The following EPHA5 variants were observed in gnomAD, a reference collection of about 807,000 sequenced individuals.
EPHA5 encodes EPH receptor A5, also known as ephrin type-A receptor 5.
EPHA5 carries 60 observed loss-of-function variants against 105.0 expected under a neutral mutation model. The ratio of observed to expected loss-of-function variants is 0.57; its 90% confidence interval spans 0.46 to 0.71. The LOEUF (loss-of-function observed/expected upper bound fraction) is 0.71, where lower values mean the gene tolerates loss of function less well. Among genes scored for constraint, EPHA5 ranks in the 30% least tolerant of loss-of-function variants. The pLI is 0.00. For missense variants in EPHA5, 1,218 were observed against 1,274.7 expected, an observed-to-expected ratio of 0.96 and a Z score of 0.68; for synonymous variants, 513 against 449.1, an observed-to-expected ratio of 1.14 and a Z score of -1.80.
chr4:65,580,682 A>C (rs1741527289), intron 3 of EPHA5, among the ~76,000 whole-genome samples: 2 of 151,800 alleles, frequency 1.3e-5, no homozygotes, highest in Non-Finnish European at 2.9e-5. Context: ...ATTTACAAAG[A>C]TCTCCCTCCT....
At position 65,391,072 on chromosome 4, in the gene EPHA5, T is replaced by C. The variant is rs376823517; in HGVS notation, c.1793+13302A>G. Among the ~76,000 whole-genome samples, 24 of 152,088 alleles carry C rather than the reference T, an allele frequency of 1.6e-4. No individual in the cohort carries two copies. The East Asian group carries it at 2.5e-3, about 16-fold the overall frequency. On this transcript the variant is annotated intron_variant, in intron 8 of 16. Coordinates refer to ENST00000613740, the MANE Select transcript of EPHA5 (RefSeq NM_001281766.3). Reference sequence around the variant, plus strand: ...GAAGGAGAAGTGCCAAGCAAAGTGGTAAGAGCACATTATAAAACCATTAGT... The same window carrying C: ...GAAGGAGAAGTGCCAAGCAAAGTGGCAAGAGCACATTATAAAACCATTAGT...
rs187501567 is a variant in EPHA5 at position 65,655,398 on chromosome 4, G to A, written c.182-11971C>T. ...AAGCAACTGCATTTTAGAAGTTCCC[G>A]CACAACTACCAACCCAAGTAATTCT... On this transcript the variant is annotated intron_variant, in intron 1 of 16. Transcript: ENST00000613740. Among the ~76,000 whole-genome samples the A allele has an allele frequency of 2.3e-4, 35 of 152,088 alleles. No individual in the cohort carries two copies. In the East Asian group the frequency reaches 6.2e-3, roughly 27 times the overall value.
rs1013996026 is a variant in EPHA5, at chr4:65,414,196, C to A, written c.1687+88G>T. The A allele has an allele frequency of 3.0e-5, 35 of 1,158,184 alleles. No homozygotes were observed. In the African/African-American group the frequency reaches 5.2e-4, roughly 17 times the overall value. 71.7% of individuals were successfully genotyped at this position (1,158,184 alleles called of 1,614,324 possible). A position where few individuals can be genotyped will look rare whatever the true frequency, so the allele number is the denominator to read the frequency against. ...AGAGAGAGAGGGAGAGTGAGACTGACAGAGTGCCCAGGGAGGGTATTGATC... is the reference window on the plus strand; with the variant it reads ...AGAGAGAGAGGGAGAGTGAGACTGAAAGAGTGCCCAGGGAGGGTATTGATC... On this transcript the variant is annotated intron_variant, in intron 7 of 16. Coordinates refer to ENST00000613740, the MANE Select transcript of EPHA5 (RefSeq NM_001281766.3).
intron 11 of EPHA5, 57 bp downstream of exon 11, chr4:65,364,960 A>G: frequency 7.1e-7 from 1 of 1,418,302 alleles, no homozygotes; most frequent in East Asian, 2.3e-5. Context: ...AATTAATAAT[A>G]ATCTAGACAG....
At chr4:65,412,880 G>A (rs1220754006) in intron 7 of EPHA5, among the ~76,000 whole-genome samples, 1 of 152,122 alleles carries the variant, frequency 6.6e-6, no homozygotes, top group African/African-American at 2.4e-5. Flanking sequence ...AAACTGAGTA[G>A]AATTTACAGT....
rs915327895 is a variant in EPHA5, at chr4:65,330,680, A to C, written c.2945+1293T>G. On this transcript the variant is annotated intron_variant, in intron 16 of 16. Coordinates refer to ENST00000613740, the MANE Select transcript of EPHA5 (RefSeq NM_001281766.3). ...TTAATAAATTAAAATGACCATTTTT[A>C]CTGAAAAATTAAATAGCAATCATGT... 9 of 785,054 alleles carry C rather than the reference A, an allele frequency of 1.1e-5. No homozygotes were observed. In the African/African-American group the frequency reaches 1.7e-4, roughly 15 times the overall value. 48.6% of individuals were successfully genotyped at this position (785,054 alleles called of 1,614,324 possible). A position where few individuals can be genotyped will look rare whatever the true frequency, so the allele number is the denominator to read the frequency against.
chr4:65,368,369 A>T (rs1236491840), intron 8 of EPHA5, among the ~76,000 whole-genome samples: 1 of 152,156 alleles, frequency 6.6e-6, no homozygotes, highest in African/African-American at 2.4e-5. Context: ...GGACCTGAAA[A>T]TGAAATCAGT....
chr4:65,584,785 G>C (rs1296667008), intron 3 of EPHA5, among the ~76,000 whole-genome samples: 3 of 151,848 alleles, frequency 2.0e-5, no homozygotes, highest in African/African-American at 7.2e-5. Context: ...AAGTGTTCTT[G>C]AGATTTTTAA....
intron 1 of EPHA5, among the ~76,000 whole-genome samples, chr4:65,647,925 T>C (rs1202721810): frequency 6.6e-6 from 1 of 152,166 alleles, no homozygotes; most frequent in Admixed American, 6.5e-5. Context: ...CAGGAACTTT[T>C]TAATAAGGAA....
At chr4:65,492,015 T>C (rs1255375366) in intron 4 of EPHA5, among the ~76,000 whole-genome samples, 1 of 152,124 alleles carries the variant, frequency 6.6e-6, no homozygotes, top group Admixed American at 6.6e-5. Flanking sequence ...AGTATGGTGG[T>C]AGTTGAATGG....
chr4:65,519,019 G>A (rs999256748), intron 3 of EPHA5, among the ~76,000 whole-genome samples: 2 of 151,892 alleles, frequency 1.3e-5, no homozygotes, highest in Admixed American at 6.6e-5. Flanking sequence ...CCAAAAAAGA[G>A]AATTTTAGAC....
intron 14 of EPHA5, among the ~76,000 whole-genome samples, chr4:65,338,585 G>T (rs777617804): frequency 6.6e-6 from 1 of 151,188 alleles, no homozygotes; most frequent in Non-Finnish European, 1.5e-5. Context: ...TTTCTTATTC[G>T]GTCTTATTTT....
At chr4:65,496,887 C>T (rs554437492) in intron 3 of EPHA5, among the ~76,000 whole-genome samples, 7 of 152,250 alleles carry the variant, frequency 4.6e-5, no homozygotes, top group African/African-American at 1.7e-4. Flanking sequence ...TTTAGAATCA[C>T]ATAAAGAAAG....
At chr4:65,429,135 A>C (rs1724736266) in intron 5 of EPHA5, among the ~76,000 whole-genome samples, 1 of 152,066 alleles carries the variant, frequency 6.6e-6, no homozygotes, top group African/African-American at 2.4e-5. Context: ...CCATTTTACA[A>C]GAAACAGAAT....
At chr4:65,572,414 T>G (rs1740285449) in intron 3 of EPHA5, among the ~76,000 whole-genome samples, 1 of 152,204 alleles carries the variant, frequency 6.6e-6, no homozygotes, top group African/African-American at 2.4e-5. Flanking sequence ...ACTTGAAACA[T>G]AATCAAGGCT....
intron 1 of EPHA5, among the ~76,000 whole-genome samples, chr4:65,663,063 G>A (rs1057401928): frequency 5.3e-5 from 8 of 152,066 alleles, no homozygotes; most frequent in African/African-American, 1.9e-4. Flanking sequence ...TATTAATAAA[G>A]TAACACATAA....
At chr4:65,369,157 A>C (rs990233048) in intron 8 of EPHA5, among the ~76,000 whole-genome samples, 1 of 152,162 alleles carries the variant, frequency 6.6e-6, no homozygotes, top group Non-Finnish European at 1.5e-5. Context: ...GGCACTAAAA[A>C]TATTCGTCAC....
At chr4:65,367,236 T>A (rs6853470) in intron 9 of EPHA5, 121 bp downstream of exon 9, 7,749 of 663,466 alleles carry the variant, frequency 0.012, 195 homozygotes, top group African/African-American at 0.083. Flanking sequence ...AGAACACTTT[T>A]AAAAAAAAAA....
In EPHA5 at chr4:65,323,142, C is replaced by T. The variant is rs1719770518; in HGVS notation, c.*972G>A. 4.4e-6 allele frequency: 1 copy of T among 228,372 alleles called. No individual in the cohort carries two copies. The highest frequency in any genetic ancestry group is 8.7e-6 in the Non-Finnish European group (1 of 115,024). 14.1% of individuals were successfully genotyped at this position (228,372 alleles called of 1,614,324 possible). On this transcript the variant is annotated 3_prime_UTR_variant, in exon 17 of 17. Transcript: ENST00000613740. The stretch of plus-strand genomic sequence containing the variant: ...AAGAACTGCATTGTCACTGATATCA[C>T]AAAATGTTTTTAAAAAGCCAAAGGG...
Sources: gnomAD v4.1 joint callset for allele counts (sites outside exome capture counted in the v4.1 genomes callset) on GRCh38, gnomAD v4.1.1 for gene constraint, MANE v1.5 for transcripts, NCBI Gene and HGNC (gene_info 2026-07-23, HGNC 2026-07-21) for gene names.